Variants in RAI1 observed in about 807,000 individuals in gnomAD.
RAI1 encodes the protein retinoic acid induced 1.
RAI1 carries 9 observed loss-of-function variants against 123.8 expected under a neutral mutation model. The observed-to-expected ratio is 0.07, with a 90% CI of 0.04 to 0.13. The LOEUF is 0.13. Ranked by LOEUF, RAI1 falls within the 10% of genes least tolerant of loss-of-function variation. RAI1 has a pLI of 1.00. For missense variants in RAI1, 2,256 were observed against 2,545.8 expected (o/e 0.89, Z 2.45); for synonymous variants, 1,231 against 1,127.3 (o/e 1.09, Z -1.84).
intron 1 of RAI1, among the ~76,000 whole-genome samples, chr17:17,701,458 C>A (rs1181580779): frequency 6.6e-6 from 1 of 152,192 alleles, no homozygotes; most frequent in South Asian, 2.1e-4. Flanking sequence ...CTCCTCTCTC[C>A]CTCATTCCCT....
chr17:17,798,235 C>T lies in RAI1; in HGVS notation c.5287C>T (p.Pro1763Ser). 6.2e-7 allele frequency: 1 copy of T among 1,610,252 alleles called. No individual in the cohort carries two copies. Among genetic ancestry groups the T allele is most frequent in the Non-Finnish European group, 8.5e-7 (1 of 1,178,690 alleles). Residue 1763 changes from proline (P) to serine (S), a missense_variant, in exon 3 of 6, where the codon CCG becomes TCG. By Grantham distance (74) the Pro-to-Ser change is moderately conservative (BLOSUM62 -1). Around this residue, in one of 7 missense-constraint regions of RAI1, gnomAD observed 243 missense variants for 316.6 expected, o/e 0.77. Coordinates refer to ENST00000353383, the MANE Select transcript of RAI1 (RefSeq NM_030665.4). Reference sequence around the variant, plus strand: ...CCCCAGGCCTGACGGCCCAGCTGACCCGGCCAAGCAGGGCCCACTGCGCAC... The same window carrying T: ...CCCCAGGCCTGACGGCCCAGCTGACTCGGCCAAGCAGGGCCCACTGCGCAC... ...KPPRPDGPAD[P>S]AKQGPLRTSA...
intron 1 of RAI1, among the ~76,000 whole-genome samples, chr17:17,715,663 C>T (rs967640029): frequency 6.6e-6 from 1 of 152,196 alleles, no homozygotes; most frequent in Non-Finnish European, 1.5e-5. Flanking sequence ...CCTCCCGCTC[C>T]TGACCTTCCA....
chr17:17,710,228 G>A (rs577668737), intron 1 of RAI1, among the ~76,000 whole-genome samples: 1 of 152,144 alleles, frequency 6.6e-6, no homozygotes, highest in African/African-American at 2.4e-5. Flanking sequence ...CCCAGCGGGG[G>A]CTTTAGCCAC....
intron 1 of RAI1, among the ~76,000 whole-genome samples, chr17:17,706,120 C>G (rs1179207261): frequency 6.6e-6 from 1 of 151,456 alleles, no homozygotes; most frequent in African/African-American, 2.4e-5. Context: ...CAGCAGGGAG[C>G]TATGGATCAT....
chr17:17,809,417 C>G lies in RAI1; in HGVS notation c.5687C>G (p.Ser1896Cys). ...AGCIFIEENFSLKCPKHKRLP is the reference protein window; with the variant it reads ...AGCIFIEENFCLKCPKHKRLP ...TGCATATTCATCGAAGAGAACTTTT[C>G]TTTGAAATGTCCCAAACATAAGGTA... is the stretch of plus-strand genomic sequence containing the variant. The change falls in exon 5 of 6, where the codon TCT (serine) becomes TGT (cysteine). Residue 1896 changes from serine to cysteine, a missense_variant. Physicochemically the swap from Ser to Cys is moderately radical, Grantham distance 112. Coordinates refer to ENST00000353383, the MANE Select transcript of RAI1 (RefSeq NM_030665.4). The surrounding 1 kb of genome is among the most constrained non-coding windows in gnomAD (Gnocchi z 4.9). 2.5e-6 allele frequency: 4 copies of G among 1,608,292 alleles called. No homozygotes were observed. The highest frequency in any genetic ancestry group is 3.4e-6 in the Non-Finnish European group (4 of 1,174,886).
intron 2 of RAI1, among the ~76,000 whole-genome samples, chr17:17,760,666 C>T (rs1015205421): frequency 3.9e-5 from 6 of 152,236 alleles, no homozygotes; most frequent in Non-Finnish European, 8.8e-5. Context: ...CCTTGGTCTC[C>T]TCGGCTGTCA....
chr17:17,783,109 G>C (rs1299983063), intron 2 of RAI1, among the ~76,000 whole-genome samples: 1 of 28 alleles, frequency 0.036, no homozygotes, highest in Non-Finnish European at 0.042. Flanking sequence ...AGGCGAGAGG[G>C]AGGCGGGGAC....
chr17:17,779,124 G>A (rs1398378369), intron 2 of RAI1: 1 of 350,598 alleles, frequency 2.9e-6, no homozygotes, highest in Non-Finnish European at 5.7e-6. Flanking sequence ...TGTCCATTCA[G>A]ACACAAGACA....
intron 2 of RAI1, among the ~76,000 whole-genome samples, chr17:17,775,570 G>A (rs2031313700): frequency 7.6e-6 from 1 of 132,276 alleles, no homozygotes; most frequent in Admixed American, 7.4e-5. Flanking sequence ...ATTATTTACT[G>A]TAGTCTTACA....
chr17:17,699,942 T>G (rs1468052957), intron 1 of RAI1, among the ~76,000 whole-genome samples: 1 of 152,230 alleles, frequency 6.6e-6, no homozygotes, highest in Non-Finnish European at 1.5e-5. Flanking sequence ...TGTGGGACCT[T>G]GGGTGTCCCC....
chr17:17,748,279 G>A (rs961270978), intron 2 of RAI1, among the ~76,000 whole-genome samples: 1 of 152,220 alleles, frequency 6.6e-6, no homozygotes, highest in Non-Finnish European at 1.5e-5. Context: ...CCCAGGTAGT[G>A]CCATGCCAGG....
chr17:17,792,880 C>CA, intron 2 of RAI1, 53 bp from the exon 3 acceptor site: 1 of 828,740 alleles, frequency 1.2e-6, no homozygotes, highest in South Asian at 1.4e-5. Flanking sequence ...CCTCCCTGCC[C>CA]ATCCTCCCCT....
intron 2 of RAI1, among the ~76,000 whole-genome samples, chr17:17,792,613 C>T (rs1410756730): frequency 1.3e-5 from 2 of 151,506 alleles, no homozygotes; most frequent in African/African-American, 2.4e-5. Flanking sequence ...TGACCTGGCG[C>T]TGGGCAGCCG....
At chr17:17,727,167 TA>T (rs1174671200) in intron 2 of RAI1, among the ~76,000 whole-genome samples, 3 of 152,218 alleles carry the variant, frequency 2.0e-5, no homozygotes, top group Non-Finnish European at 4.4e-5. Flanking sequence ...TTTCCTTGGA[TA>T]AATGGGACAC....
At chr17:17,700,680 G>C (rs1915191102) in intron 1 of RAI1, among the ~76,000 whole-genome samples, 1 of 152,108 alleles carries the variant, frequency 6.6e-6, no homozygotes, top group South Asian at 2.1e-4. Context: ...GCGAGGCCGG[G>C]CCTCGTCCGC....
chr17:17,805,316 C>G (rs918237906), intron 4 of RAI1, among the ~76,000 whole-genome samples: 1 of 152,206 alleles, frequency 6.6e-6, no homozygotes, highest in Admixed American at 6.5e-5. Context: ...GGTGCTGCCT[C>G]AGTCCTATTT....
intron 2 of RAI1, among the ~76,000 whole-genome samples, chr17:17,754,058 T>C (rs542506216): frequency 6.6e-6 from 1 of 152,238 alleles, no homozygotes; most frequent in East Asian, 1.9e-4. Flanking sequence ...GGCCAAAGTG[T>C]ATGGTTGTAC....
intron 2 of RAI1, among the ~76,000 whole-genome samples, chr17:17,732,495 T>A (rs1310811713): frequency 1.3e-5 from 2 of 152,204 alleles, no homozygotes; most frequent in Non-Finnish European, 2.9e-5. Context: ...GGTGACGTCC[T>A]TCCTTGGGCA....
At chr17:17,756,582 GTA>G (rs548769760) in intron 2 of RAI1, among the ~76,000 whole-genome samples, 81 of 152,238 alleles carry the variant, frequency 5.3e-4, no homozygotes, top group African/African-American at 1.8e-3. Flanking sequence ...CCTCCCTTAC[GTA>G]TAAAGGTAGA....
Sources: allele counts gnomAD v4.1 joint callset (sites outside exome capture counted in the v4.1 genomes callset), GRCh38; gene constraint gnomAD v4.1.1; regional missense constraint gnomAD v4.1.1; non-coding constraint Gnocchi (gnomAD v3.1); transcripts MANE v1.5; gene names NCBI Gene and HGNC (gene_info 2026-07-23, HGNC 2026-07-21).